EPHA3: variants seen among roughly 807,000 people sequenced by gnomAD.
The protein encoded by EPHA3 is ephrin type-A receptor 3.
Under a neutral mutation model 107.1 loss-of-function variants are expected in EPHA3, and 42 were observed. The observed-to-expected ratio is 0.39, with a 90% confidence interval of 0.31 to 0.51. EPHA3 has a LOEUF of 0.51. Among genes scored for constraint, EPHA3 ranks in the 20% least tolerant of loss-of-function variants. The pLI is 0.78. For synonymous variants in EPHA3, 461 were observed against 424.8 expected, an observed-to-expected ratio of 1.09 and a Z score of -1.05; for missense variants, 1,183 against 1,211.2, an observed-to-expected ratio of 0.98 and a Z score of 0.35.
intron 15 of EPHA3, among the ~76,000 whole-genome samples, chr3:89,454,343 T>G (rs937121949): frequency 6.6e-6 from 1 of 152,142 alleles, no homozygotes; most frequent in Admixed American, 6.5e-5. Context: ...ATCCTTCCAC[T>G]GCCTAATTAA....
intron 9 of EPHA3, among the ~76,000 whole-genome samples, chr3:89,409,432 A>T (rs1004172858): frequency 6.6e-6 from 1 of 151,964 alleles, no homozygotes; most frequent in Non-Finnish European, 1.5e-5. Context: ...GAGCAAGACC[A>T]TGCTGATTTG....
At chr3:89,136,329 G>GTTTTTTTTTTTTTTTTTT (rs1559747476) in intron 2 of EPHA3, among the ~76,000 whole-genome samples, 1 of 23,868 alleles carries the variant, frequency 4.2e-5, no homozygotes, top group East Asian at 9.5e-4. Context: ...AATCTTACAG[G>GTTTTTTTTTTTTTTTTTT]CTTTTTTTTT....
chr3:89,215,531 A>G (rs887054846), intron 3 of EPHA3, among the ~76,000 whole-genome samples: 1 of 151,916 alleles, frequency 6.6e-6, no homozygotes, highest in Non-Finnish European at 1.5e-5. Flanking sequence ...CTCAGACACA[A>G]TGTAATTGCA....
At chr3:89,143,256 A>C (rs1303077940) in intron 2 of EPHA3, among the ~76,000 whole-genome samples, 1 of 151,504 alleles carries the variant, frequency 6.6e-6, no homozygotes, top group African/African-American at 2.4e-5. Context: ...TAGCTGGTCT[A>C]TAAGCAATAA....
chr3:89,389,945 T>G (rs566728286), intron 5 of EPHA3, among the ~76,000 whole-genome samples: 1 of 152,216 alleles, frequency 6.6e-6, no homozygotes, highest in South Asian at 2.1e-4. Flanking sequence ...GAAACAATCT[T>G]TTAGAAAAAG....
chr3:89,433,368 G>A (rs1256691391), intron 13 of EPHA3, among the ~76,000 whole-genome samples: 2 of 151,696 alleles, frequency 1.3e-5, no homozygotes, highest in Non-Finnish European at 2.9e-5. Context: ...ATTGTCACAT[G>A]GCATGCATAT....
chr3:89,341,964 G>C lies in EPHA3; in HGVS notation c.1180G>C (p.Val394Leu), dbSNP rs2107420644. 1 of 1,613,174 alleles carries C rather than the reference G, an allele frequency of 6.2e-7. No individual in the cohort carries two copies. Among genetic ancestry groups the C allele is most frequent in the Non-Finnish European group, 8.5e-7 (1 of 1,179,836 alleles). ...PRQFGLTNTT[V>L]TVTDLLAHTN... ...ACAGTTTGGACTCACCAACACCACG[G>C]TGACAGTGACAGACCTTCTGGCACA... Residue 394 changes from valine to leucine, a missense_variant, in exon 5 of 17, where the codon GTG (valine) becomes CTG (leucine). Physicochemically the swap from Val to Leu is conservative, Grantham distance 32. Transcript: ENST00000336596.
chr3:89,261,148 G>A (rs1166154012), intron 3 of EPHA3, among the ~76,000 whole-genome samples: 1 of 152,144 alleles, frequency 6.6e-6, no homozygotes, highest in Non-Finnish European at 1.5e-5. Flanking sequence ...GTCTTCAAGA[G>A]GCTGTAAGGA....
At chr3:89,309,709 T>G (rs1270164203) in intron 3 of EPHA3, among the ~76,000 whole-genome samples, 1 of 152,126 alleles carries the variant, frequency 6.6e-6, no homozygotes, top group Non-Finnish European at 1.5e-5. Flanking sequence ...ATTTTTGGTT[T>G]CAGGCCAAAC....
At chr3:89,217,739 G>T (rs1464910086) in intron 3 of EPHA3, among the ~76,000 whole-genome samples, 1 of 152,062 alleles carries the variant, frequency 6.6e-6, no homozygotes, top group Non-Finnish European at 1.5e-5. Context: ...TGCCACAAAA[G>T]GTTAAAAGAA....
chr3:89,281,383 G>T (rs1307314888), intron 3 of EPHA3, among the ~76,000 whole-genome samples: 1 of 152,048 alleles, frequency 6.6e-6, no homozygotes, highest in Non-Finnish European at 1.5e-5. Context: ...TAAGTATCTT[G>T]CCCAAGACCA....
At chr3:89,316,504 TAATATA>T (rs1559644305) in intron 3 of EPHA3, among the ~76,000 whole-genome samples, 1 of 75,136 alleles carries the variant, frequency 1.3e-5, no homozygotes, top group Admixed American at 1.9e-4. Context: ...TGTGTGTGTG[TAATATA>T]TATATATATA....
chr3:89,217,880 A>C (rs1200864791), intron 3 of EPHA3, among the ~76,000 whole-genome samples: 1 of 152,220 alleles, frequency 6.6e-6, no homozygotes, highest in African/African-American at 2.4e-5. Flanking sequence ...AGTTTTATGA[A>C]ACTGAGAAGT....
At chr3:89,317,574 A>T (rs1470422689) in intron 3 of EPHA3, among the ~76,000 whole-genome samples, 3 of 151,862 alleles carry the variant, frequency 2.0e-5, no homozygotes, top group African/African-American at 7.2e-5. Context: ...TATTGACCTG[A>T]AAAGTTAGAC....
At chr3:89,414,352 A>G (rs559568386) in intron 10 of EPHA3, among the ~76,000 whole-genome samples, 1 of 151,794 alleles carries the variant, frequency 6.6e-6, no homozygotes, top group Admixed American at 6.6e-5. Flanking sequence ...AAAATATGAA[A>G]CTTGTGTTCA....
At chr3:89,406,807 A>G (rs1709064392) in intron 7 of EPHA3, among the ~76,000 whole-genome samples, 1 of 152,152 alleles carries the variant, frequency 6.6e-6, no homozygotes, top group African/African-American at 2.4e-5. Context: ...GTATGTGTTG[A>G]GGTCCATGTA....
At chr3:89,405,770 C>T (rs527684302) in intron 7 of EPHA3, among the ~76,000 whole-genome samples, 10 of 151,934 alleles carry the variant, frequency 6.6e-5, no homozygotes, top group African/African-American at 9.7e-5. Context: ...CAGCATTTAC[C>T]GCAAGAACAA....
At chr3:89,214,000 C>A (rs1477075372) in intron 3 of EPHA3, among the ~76,000 whole-genome samples, 1 of 151,822 alleles carries the variant, frequency 6.6e-6, no homozygotes, top group Admixed American at 6.6e-5. Flanking sequence ...TTTAATATAA[C>A]AAATTAAACA....
At chr3:89,204,608 A>ATG (rs71621535) in intron 2 of EPHA3, among the ~76,000 whole-genome samples, 3,961 of 148,698 alleles carry the variant, frequency 0.027, 88 homozygotes, top group African/African-American at 0.063. Context: ...CTGTGTGTAA[A>ATG]TGTGTGTGTG....
Sources: gnomAD v4.1 joint callset for allele counts (sites outside exome capture counted in the v4.1 genomes callset) on GRCh38, gnomAD v4.1.1 for gene constraint, MANE v1.5 for transcripts, NCBI Gene and HGNC (gene_info 2026-07-23, HGNC 2026-07-21) for gene names.